Variants in TMEM150A observed in about 807,000 individuals in gnomAD.
The protein encoded by TMEM150A is transmembrane protein 150A, also known as fasting-inducible integral membrane protein TM6P1.
A neutral mutation model predicts 29.8 loss-of-function variants in TMEM150A; 18 were observed. That is an observed-to-expected ratio of 0.60 (90% CI 0.42 to 0.90). The LOEUF (loss-of-function observed/expected upper bound fraction) is 0.90. Among genes scored for constraint, TMEM150A ranks in the 40% least tolerant of loss-of-function variants. TMEM150A has a pLI of 0.00. For synonymous variants in TMEM150A, 127 were observed against 143.6 expected (o/e 0.88, Z 0.83); for missense variants, 251 against 349.7 (o/e 0.72, Z 2.25).
chr2:85,600,888 C>T, intron 4 of TMEM150A, 133 bp downstream of exon 4: 3 of 749,882 alleles, frequency 4.0e-6, no homozygotes, highest in Non-Finnish European at 6.5e-6. Context: ...CCCACAGTAA[C>T]TGTCAAGTAG....
chr2:85,600,606 G>T (rs1032496394), intron 4 of TMEM150A, 194 bp from the exon 5 acceptor site: 24 of 605,632 alleles, frequency 4.0e-5, no homozygotes, highest in African/African-American at 3.2e-4. Flanking sequence ...TCATGTGTGT[G>T]AGAGAGAAGG....
chr2:85,602,260 G>GACGCAGGCGGACCGTAAC lies in TMEM150A; in HGVS notation c.-116-214_-116-197dup. On this transcript the variant is annotated intron_variant, in intron 1 of 7. Transcript: ENST00000334462. The surrounding 1 kb of genome is among the most constrained non-coding windows in gnomAD (Gnocchi z 5.6). Reference sequence around the variant, plus strand: ...CCCAAATGCCACCGGCGTGCTGAGAGACGCAGGCGGACCGTAACATCTGGA... The same window carrying GACGCAGGCGGACCGTAAC: ...CCCAAATGCCACCGGCGTGCTGAGAGACGCAGGCGGACCGTAACACGCAGGCGGACCGTAACATCTGGA... The GACGCAGGCGGACCGTAAC allele has an allele frequency of 3.3e-6, 1 of 300,374 alleles. No homozygotes were observed. Among genetic ancestry groups the GACGCAGGCGGACCGTAAC allele is most frequent in the East Asian group, 7.4e-5 (1 of 13,460 alleles). 18.6% of individuals were successfully genotyped at this position (300,374 alleles called of 1,614,324 possible). A position where few individuals can be genotyped will look rare whatever the true frequency, so the allele number is the denominator to read the frequency against.
In TMEM150A at chr2:85,602,254, C is replaced by A. The variant is rs1012585538; in HGVS notation, c.-116-190G>T. 1 of 314,824 alleles carries A rather than the reference C, an allele frequency of 3.2e-6. No homozygotes were observed. The highest frequency in any genetic ancestry group is 6.1e-6 in the Non-Finnish European group (1 of 163,560). The allele number at this position is 314,824 out of a possible 1,614,324, so 19.5% of individuals were successfully genotyped here. On this transcript the variant is annotated intron_variant, in intron 1 of 7. Transcript: ENST00000334462. The surrounding 1 kb of genome is among the most constrained non-coding windows in gnomAD (Gnocchi z 5.6). ...GGTCAACCCAAATGCCACCGGCGTGCTGAGAGACGCAGGCGGACCGTAACA... is the reference window on the plus strand; with the variant it reads ...GGTCAACCCAAATGCCACCGGCGTGATGAGAGACGCAGGCGGACCGTAACA...
Position 85,599,450 on chromosome 2 carries a change from A to G in TMEM150A, c.574+75T>C. 6.4e-7 allele frequency: 1 copy of G among 1,565,394 alleles called. No individual in the cohort carries two copies. Among genetic ancestry groups the G allele is most frequent in the South Asian group, 1.2e-5 (1 of 82,712 alleles). ...CCCCACATGGCAGTGTTAGGCCTCCACCCCCCATCCTCTTGGGAGGGAGAA... is the reference window on the plus strand; with the variant it reads ...CCCCACATGGCAGTGTTAGGCCTCCGCCCCCCATCCTCTTGGGAGGGAGAA... On this transcript the variant is annotated intron_variant, in intron 7 of 7. Transcript: ENST00000334462. This position sits in a 1 kb window ranked among gnomAD's most constrained non-coding sequence, Gnocchi z 6.0.
In TMEM150A at chr2:85,600,332, G is replaced by A; in HGVS notation, c.268+13C>T. Reference sequence around the variant, plus strand: ...GCTGGGCACGCAGGGTCAGGGCTAAGGGTACAACTCACCCATGAAAGCACC... The same window carrying A: ...GCTGGGCACGCAGGGTCAGGGCTAAAGGTACAACTCACCCATGAAAGCACC... On this transcript the variant is annotated intron_variant, in intron 5 of 7. Coordinates refer to ENST00000334462, the MANE Select transcript of TMEM150A (RefSeq NM_001031738.3). The A allele has an allele frequency of 6.2e-7, 1 of 1,613,842 alleles. No homozygotes were observed. The highest frequency in any genetic ancestry group is 8.5e-7 in the Non-Finnish European group (1 of 1,179,936).
In TMEM150A at chr2:85,599,010, A is replaced by G. The variant is rs1020785673; in HGVS notation, c.*66T>C. On this transcript the variant is annotated 3_prime_UTR_variant, in exon 8 of 8. Transcript: ENST00000334462. The surrounding 1 kb of genome is among the most constrained non-coding windows in gnomAD (Gnocchi z 6.0). ...CTTTCTCAAAATTGTTTTTGGTACG[A>G]AATAAATGGAAAGAAGATATGGGGT... 2.5e-5 allele frequency: 39 copies of G among 1,573,270 alleles called. No homozygotes were observed. The Middle Eastern group carries it at 6.9e-4, about 28-fold the overall frequency.
chr2:85,599,436 A>G lies in TMEM150A; in HGVS notation c.574+89T>C. 1.9e-6 allele frequency: 3 copies of G among 1,565,826 alleles called. No individual in the cohort carries two copies. Among genetic ancestry groups the G allele is most frequent in the Non-Finnish European group, 2.6e-6 (3 of 1,155,838 alleles). On this transcript the variant is annotated intron_variant, in intron 7 of 7. Transcript: ENST00000334462. This position sits in a 1 kb window ranked among gnomAD's most constrained non-coding sequence, Gnocchi z 6.0. ...GTGTTAGTCCTCTCCCCCACATGGC[A>G]GTGTTAGGCCTCCACCCCCCATCCT...
intron 4 of TMEM150A, 147 bp from the exon 5 acceptor site, chr2:85,600,559 G>C: frequency 1.5e-6 from 1 of 652,200 alleles, no homozygotes; most frequent in Non-Finnish European, 2.8e-6. Flanking sequence ...GGTCCCTCAT[G>C]AACAACTGGT....
At position 85,601,538 on chromosome 2, in the gene TMEM150A, C is replaced by G; in HGVS notation, c.66-56G>C. ...CTTCCCGAGCCCCACTCAACCCACCCCATGACCCTTCTCTTCAACCTTGAT... is the reference window on the plus strand; with the variant it reads ...CTTCCCGAGCCCCACTCAACCCACCGCATGACCCTTCTCTTCAACCTTGAT... On this transcript the variant is annotated intron_variant, in intron 2 of 7. Transcript: ENST00000334462. The surrounding 1 kb of genome is among the most constrained non-coding windows in gnomAD (Gnocchi z 4.0). 1 of 1,577,658 alleles carries G rather than the reference C, an allele frequency of 6.3e-7. No individual in the cohort carries two copies. The highest frequency in any genetic ancestry group is 8.6e-7 in the Non-Finnish European group (1 of 1,156,180).
Position 85,599,220 on chromosome 2 carries a change from G to A in TMEM150A, c.672C>T (p.Thr224=). Residue 224 remains threonine, a synonymous_variant, in exon 8 of 8, where the codon ACC becomes ACT. Coordinates refer to ENST00000334462, the MANE Select transcript of TMEM150A (RefSeq NM_001031738.3). This position sits in a 1 kb window ranked among gnomAD's most constrained non-coding sequence, Gnocchi z 6.0. ...AGACTGCCCCAAACTCGTAGCTGAA[G>A]GTGCCATAGAAAATGAGGATATCGA... ...CVIDILIFYG[T]FSYEFGAVSS... is the part of the protein sequence containing the mutation. 6.2e-7 allele frequency: 1 copy of A among 1,613,922 alleles called. No individual in the cohort carries two copies. The highest frequency in any genetic ancestry group is 8.5e-7 in the Non-Finnish European group (1 of 1,179,992).
rs1456300487 is a variant in TMEM150A at position 85,600,795 on chromosome 2, T to C, written c.200+226A>G. The C allele has an allele frequency of 8.9e-6, 5 of 560,630 alleles. No homozygotes were observed. The South Asian group carries it at 9.2e-5, about 10-fold the overall frequency. The allele number at this position is 560,630 out of a possible 1,614,324, so 34.7% of individuals were successfully genotyped here. A position where few individuals can be genotyped will look rare whatever the true frequency, so the allele number is the denominator to read the frequency against. On this transcript the variant is annotated intron_variant, in intron 4 of 7. Coordinates refer to ENST00000334462, the MANE Select transcript of TMEM150A (RefSeq NM_001031738.3). ...AAGACTGAGCCTGTTTCCTCACCTA[T>C]AAAATGGTGAAAACAATACCTGCCT...
Position 85,602,035 on chromosome 2 carries a change from G to A in TMEM150A, c.-87C>T. 2 of 1,178,392 alleles carry A rather than the reference G, an allele frequency of 1.7e-6. No individual in the cohort carries two copies. The highest frequency in any genetic ancestry group is 1.3e-6 in the Non-Finnish European group (1 of 788,148). The allele number at this position is 1,178,392 out of a possible 1,614,324, so 73.0% of individuals were successfully genotyped here. A position where few individuals can be genotyped will look rare whatever the true frequency, so the allele number is the denominator to read the frequency against. ...GGGGGCGGACCAGCTACCTTGAGAT[G>A]TTTCTGCCACAACCATCAGCTGTCC... On this transcript the variant is annotated 5_prime_UTR_variant, in exon 2 of 8. Coordinates refer to ENST00000334462, the MANE Select transcript of TMEM150A (RefSeq NM_001031738.3). The surrounding 1 kb of genome is among the most constrained non-coding windows in gnomAD (Gnocchi z 5.6).
chr2:85,599,228 A>T lies in TMEM150A; in HGVS notation c.664T>A (p.Tyr222Asn). The T allele has an allele frequency of 6.2e-7, 1 of 1,614,056 alleles. No homozygotes were observed. Among genetic ancestry groups the T allele is most frequent in the Non-Finnish European group, 8.5e-7 (1 of 1,180,028 alleles). ...WVCVIDILIF[Y>N]GTFSYEFGAV... The stretch of plus-strand genomic sequence containing the variant: ...CCAAACTCGTAGCTGAAGGTGCCAT[A>T]GAAAATGAGGATATCGATGACACAC... Residue 222 changes from tyrosine to asparagine, a missense_variant, in exon 8 of 8, where the codon TAT becomes AAT. Transcript: ENST00000334462. This position sits in a 1 kb window ranked among gnomAD's most constrained non-coding sequence, Gnocchi z 6.0.
In TMEM150A at chr2:85,602,128, T is replaced by C. The variant is rs1481565227; in HGVS notation, c.-116-64A>G. The stretch of plus-strand genomic sequence containing the variant: ...GCCGGGAAGGGGGAGGGGAAGGGGG[T>C]CAACACCTTATCCAGCGCTCCCGTT... On this transcript the variant is annotated intron_variant, in intron 1 of 7. Transcript: ENST00000334462. This position sits in a 1 kb window ranked among gnomAD's most constrained non-coding sequence, Gnocchi z 5.6. 1.7e-6 allele frequency: 1 copy of C among 584,524 alleles called. No individual in the cohort carries two copies. The highest frequency in any genetic ancestry group is 3.1e-6 in the Non-Finnish European group (1 of 319,008). The allele number at this position is 584,524 out of a possible 1,614,324, so 36.2% of individuals were successfully genotyped here.
chr2:85,601,053 G>C lies in TMEM150A; in HGVS notation c.168C>G (p.Thr56=). Residue 56 remains threonine (T), a synonymous_variant, in exon 4 of 8, where the codon ACC becomes ACG. Transcript: ENST00000334462. This position sits in a 1 kb window ranked among gnomAD's most constrained non-coding sequence, Gnocchi z 4.0. ...GGGGGACATCGTCCAGGGTGCAGCA[G>C]GTCTTGGGACCCCCTTGCTCAGCAG... ...PDPAEQGGPK[T]CCTLDDVPLI... 1 of 1,612,772 alleles carries C rather than the reference G, an allele frequency of 6.2e-7. No individual in the cohort carries two copies. Among genetic ancestry groups the C allele is most frequent in the Non-Finnish European group, 8.5e-7 (1 of 1,179,546 alleles).
Position 85,601,194 on chromosome 2 carries a change from TC to T in TMEM150A, c.114-88del. Reference sequence around the variant, plus strand: ...GCCTCAGGCCTCAAAGAGGACTCTCTCCCAGACCTCCCCTACAGGGACAGAA... The same window carrying T: ...GCCTCAGGCCTCAAAGAGGACTCTCTCCAGACCTCCCCTACAGGGACAGAA... On this transcript the variant is annotated intron_variant, in intron 3 of 7. Coordinates refer to ENST00000334462, the MANE Select transcript of TMEM150A (RefSeq NM_001031738.3). The surrounding 1 kb of genome is among the most constrained non-coding windows in gnomAD (Gnocchi z 4.0). 7.2e-7 allele frequency: 1 copy of T among 1,380,680 alleles called. No homozygotes were observed. The highest frequency in any genetic ancestry group is 1.0e-6 in the Non-Finnish European group (1 of 984,646). The allele number at this position is 1,380,680 out of a possible 1,614,324, so 85.5% of individuals were successfully genotyped here. A position where few individuals can be genotyped will look rare whatever the true frequency, so the allele number is the denominator to read the frequency against.
chr2:85,600,274 G>C, intron 5 of TMEM150A, 71 bp downstream of exon 5: 1 of 1,566,684 alleles, frequency 6.4e-7, no homozygotes, highest in Non-Finnish European at 8.8e-7. Context: ...GCACAGAAGG[G>C]CTTCCTGGGC....
rs1024607807 is a variant in TMEM150A, at chr2:85,602,295, C to T, written c.-116-231G>A. On this transcript the variant is annotated intron_variant, in intron 1 of 7. Coordinates refer to ENST00000334462, the MANE Select transcript of TMEM150A (RefSeq NM_001031738.3). This position sits in a 1 kb window ranked among gnomAD's most constrained non-coding sequence, Gnocchi z 5.6. ...GACCGTAACATCTGGAAGGGAGTTACCCTCCTTCTGAGGGACCAGGGCTGG... is the reference window on the plus strand; with the variant it reads ...GACCGTAACATCTGGAAGGGAGTTATCCTCCTTCTGAGGGACCAGGGCTGG... The T allele has an allele frequency of 1.7e-5, 4 of 233,470 alleles. No individual in the cohort carries two copies. The highest frequency in any genetic ancestry group is 3.5e-5 in the Non-Finnish European group (4 of 114,928). The allele number at this position is 233,470 out of a possible 1,614,324, so 14.5% of individuals were successfully genotyped here. A position where few individuals can be genotyped will look rare whatever the true frequency, so the allele number is the denominator to read the frequency against.
chr2:85,601,927 G>T lies in TMEM150A; in HGVS notation c.22C>A (p.Pro8Thr). Residue 8 changes from proline (P) to threonine (T), a missense_variant, in exon 2 of 8, where the codon CCT becomes ACT. Pro to Thr is a conservative substitution (Grantham distance 38). Coordinates refer to ENST00000334462, the MANE Select transcript of TMEM150A (RefSeq NM_001031738.3). The surrounding 1 kb of genome is among the most constrained non-coding windows in gnomAD (Gnocchi z 4.0). ...ATGGAGAACGCTGACAGGCTGACAG[G>T]CAGGAGGATCCAGGCGGTCATGAGG... Reference protein sequence around the residue: MTAWILLPVSLSAFSITG... With the variant: MTAWILLTVSLSAFSITG... The T allele has an allele frequency of 6.2e-7, 1 of 1,614,120 alleles. No individual in the cohort carries two copies. The highest frequency in any genetic ancestry group is 2.2e-5 in the East Asian group (1 of 44,892).
Sources: gnomAD v4.1 joint callset for allele counts on GRCh38, gnomAD v4.1.1 for gene constraint, Gnocchi (gnomAD v3.1) non-coding constraint, MANE v1.5 for transcripts, NCBI Gene and HGNC (gene_info 2026-07-23, HGNC 2026-07-21) for gene names.